The following PIP5K1B variants were observed in gnomAD, a reference collection of about 807,000 sequenced individuals.
PIP5K1B encodes phosphatidylinositol 4-phosphate 5-kinase type-1 beta.
A neutral mutation model predicts 67.0 loss-of-function variants in PIP5K1B; 42 were observed. The ratio of observed to expected loss-of-function variants is 0.63; its 90% CI spans 0.49 to 0.81. The LOEUF is 0.81. Among genes scored for constraint, PIP5K1B ranks in the 30% least tolerant of loss-of-function variants. The pLI, the probability that PIP5K1B is intolerant of heterozygous loss-of-function variation, is 0.00. For missense variants in PIP5K1B, 459 were observed against 646.3 expected (o/e 0.71, Z 3.14); for synonymous variants, 214 against 231.4 (o/e 0.92, Z 0.68).
At chr9:68,855,051 T>C (rs1657928915) in intron 4 of PIP5K1B, among the ~76,000 whole-genome samples, 1 of 152,246 alleles carries the variant, frequency 6.6e-6, no homozygotes, top group African/African-American at 2.4e-5. Context: ...TTTAGGTTTA[T>C]ATATGAATTA....
chr9:68,756,916 A>G (rs1343970428), intron 2 of PIP5K1B, among the ~76,000 whole-genome samples: 3 of 152,226 alleles, frequency 2.0e-5, no homozygotes, highest in Non-Finnish European at 2.9e-5. Context: ...GTAATCAACT[A>G]TGAAGAATTA....
intron 15 of PIP5K1B, among the ~76,000 whole-genome samples, chr9:68,995,850 C>A (rs1349154165): frequency 6.6e-6 from 1 of 150,786 alleles, no homozygotes; most frequent in East Asian, 1.9e-4. Flanking sequence ...AAGAAAAGCA[C>A]AAGAAAGGAA....
intron 8 of PIP5K1B, among the ~76,000 whole-genome samples, chr9:68,913,058 A>T (rs1825927966): frequency 6.6e-6 from 1 of 152,182 alleles, no homozygotes; most frequent in African/African-American, 2.4e-5. Flanking sequence ...TTTGACATTG[A>T]CTTTTTTACT....
chr9:68,753,247 CT>C (rs890363015), intron 2 of PIP5K1B, among the ~76,000 whole-genome samples: 3 of 150,044 alleles, frequency 2.0e-5, no homozygotes, highest in Non-Finnish European at 1.5e-5. Context: ...ATTCCTATAG[CT>C]TTATGACACA....
At chr9:68,850,845 G>A (rs1015818744) in intron 4 of PIP5K1B, among the ~76,000 whole-genome samples, 6 of 152,098 alleles carry the variant, frequency 3.9e-5, no homozygotes, top group Non-Finnish European at 8.8e-5. Context: ...CTTCCCTAGT[G>A]TGTAAGAATA....
intron 15 of PIP5K1B, among the ~76,000 whole-genome samples, chr9:68,995,343 T>G (rs569404760): frequency 2.0e-5 from 3 of 152,212 alleles, no homozygotes; most frequent in Admixed American, 6.5e-5. Context: ...TTCTTTAAAC[T>G]TAAATTTTAT....
chr9:68,845,997 C>T (rs1397113829), intron 4 of PIP5K1B, among the ~76,000 whole-genome samples: 1 of 152,028 alleles, frequency 6.6e-6, no homozygotes, highest in Non-Finnish European at 1.5e-5. Flanking sequence ...ATGTACAATC[C>T]ATCTGAATTT....
rs576717969 is a variant in PIP5K1B at position 68,821,872 on chromosome 9, T to C, written c.1-743T>C. 3.9e-5 allele frequency among the ~76,000 whole-genome samples: 6 copies of C among 152,358 alleles called. No individual in the cohort carries two copies. In the South Asian group the frequency reaches 1.2e-3, roughly 32 times the overall value. ...ACACACAGTGGTGTCCACACAGTGG[T>C]ATATCTTGCAACTAGAAAAAAATTA... On this transcript the variant is annotated intron_variant, in intron 3 of 15. Coordinates refer to ENST00000265382, the MANE Select transcript of PIP5K1B (RefSeq NM_003558.4).
At chr9:68,888,795 A>G (rs1365696722) in intron 6 of PIP5K1B, among the ~76,000 whole-genome samples, 186 bp from the exon 7 acceptor site, 1 of 152,050 alleles carries the variant, frequency 6.6e-6, no homozygotes, top group African/African-American at 2.4e-5. Flanking sequence ...ATTAAGATAA[A>G]CAGACCAATT....
intron 2 of PIP5K1B, among the ~76,000 whole-genome samples, chr9:68,806,859 G>A (rs1285946691): frequency 6.6e-6 from 1 of 151,598 alleles, no homozygotes; most frequent in East Asian, 2.0e-4. Flanking sequence ...TCTTGAACCT[G>A]CACACAGCCA....
At chr9:68,938,469 T>A (rs1827386228) in intron 13 of PIP5K1B, among the ~76,000 whole-genome samples, 1 of 152,160 alleles carries the variant, frequency 6.6e-6, no homozygotes. Context: ...CCTCCATCCC[T>A]TTATTTTGAG....
intron 2 of PIP5K1B, among the ~76,000 whole-genome samples, chr9:68,811,061 C>T (rs1833137721): frequency 6.6e-6 from 1 of 152,158 alleles, no homozygotes; most frequent in African/African-American, 2.4e-5. Flanking sequence ...CCTCGCTCCT[C>T]TCCTTCCTCC....
chr9:68,859,473 T>G (rs1480450112), intron 4 of PIP5K1B, among the ~76,000 whole-genome samples: 1 of 152,202 alleles, frequency 6.6e-6, no homozygotes, highest in Non-Finnish European at 1.5e-5. Flanking sequence ...TAGACTCTGT[T>G]TGCTGTGTTC....
chr9:68,851,061 T>C (rs1308038462), intron 4 of PIP5K1B, among the ~76,000 whole-genome samples: 1 of 152,240 alleles, frequency 6.6e-6, no homozygotes, highest in Non-Finnish European at 1.5e-5. Context: ...TTATGAATAC[T>C]TTAAGAGTAC....
chr9:68,940,717 A>G lies in PIP5K1B; in HGVS notation c.1429A>G (p.Thr477Ala), dbSNP rs1390096502. ...PSLFEAASLA[T>A]TISSSSLYVN... ...ACTGTTTGAAGCTGCTTCCTTGGCA[A>G]CCACAATTTCATCTTCTTCCTTATA... Residue 477 changes from threonine to alanine, a missense_variant, in exon 14 of 16, where the codon ACC becomes GCC. Coordinates refer to ENST00000265382, the MANE Select transcript of PIP5K1B (RefSeq NM_003558.4). The G allele has an allele frequency of 6.2e-7, 1 of 1,614,026 alleles. No individual in the cohort carries two copies. The highest frequency in any genetic ancestry group is 1.1e-5 in the South Asian group (1 of 91,084).
chr9:68,930,813 G>A (rs984348985), intron 12 of PIP5K1B, among the ~76,000 whole-genome samples: 2 of 151,970 alleles, frequency 1.3e-5, no homozygotes, highest in Non-Finnish European at 2.9e-5. Flanking sequence ...ATTCCCTGGT[G>A]CCCAAAGTCC....
intron 3 of PIP5K1B, among the ~76,000 whole-genome samples, chr9:68,820,128 T>G (rs964124933): frequency 1.3e-5 from 2 of 152,182 alleles, no homozygotes; most frequent in Non-Finnish European, 2.9e-5. Context: ...AGCTGCAAAG[T>G]CTTAAAAGTG....
At chr9:68,782,416 A>C (rs752196730) in intron 2 of PIP5K1B, 1 of 166,834 alleles carries the variant, frequency 6.0e-6, no homozygotes, top group South Asian at 2.1e-4. Context: ...AATAGCAAAA[A>C]TTTTTTTATA....
chr9:68,912,009 A>G (rs117670964), intron 8 of PIP5K1B, among the ~76,000 whole-genome samples: 2,219 of 152,306 alleles, frequency 0.015, 26 homozygotes, highest in Non-Finnish European at 0.021. Context: ...AAAGATGGTA[A>G]TTGGAATCTA....
Sources: gnomAD v4.1 joint callset for allele counts (sites outside exome capture counted in the v4.1 genomes callset) on GRCh38, gnomAD v4.1.1 for gene constraint, MANE v1.5 for transcripts, NCBI Gene and HGNC (gene_info 2026-07-23, HGNC 2026-07-21) for gene names.